Variants in PLXNA2 observed in about 807,000 individuals in gnomAD.
PLXNA2 encodes the protein plexin-A2.
A neutral mutation model predicts 193.5 loss-of-function variants in PLXNA2; 91 were observed. That is an observed-to-expected ratio of 0.47 (90% CI 0.40 to 0.56). PLXNA2 has a LOEUF of 0.56. PLXNA2 is among the 20% of genes least tolerant of loss of function. PLXNA2 has a pLI of 0.00. For synonymous variants in PLXNA2, 997 were observed against 1,027.3 expected, an observed-to-expected ratio of 0.97 and a Z score of 0.56; for missense variants, 1,995 against 2,503.2, an observed-to-expected ratio of 0.80 and a Z score of 4.33.
intron 12 of PLXNA2, among the ~76,000 whole-genome samples, chr1:208,071,600 G>A (rs1187040961): frequency 1.3e-5 from 2 of 152,216 alleles, no homozygotes; most frequent in Admixed American, 1.3e-4. Context: ...AGGAATCTAT[G>A]GCATTGGCGG....
chr1:208,030,558 C>T (rs1664470092), intron 29 of PLXNA2: 1 of 985,446 alleles, frequency 1.0e-6, no homozygotes, highest in Non-Finnish European at 1.2e-6. Flanking sequence ...ATCAAAGCTG[C>T]AGACTGAGGA....
rs781172471 is a variant in PLXNA2 at position 208,056,223 on chromosome 1, A to C, written c.2739-1685T>G. 4.1e-4 allele frequency among the ~76,000 whole-genome samples: 62 copies of C among 152,198 alleles called. 1 individual carries two copies. The highest frequency in any genetic ancestry group is 5.9e-4 in the Non-Finnish European group (40 of 68,034). ...ATGCCCACCATGCTCAAGGAGCTCC[A>C]GGGGAGAATCAACTAGCTATTGTGG... is the stretch of plus-strand genomic sequence containing the variant. On this transcript the variant is annotated intron_variant, in intron 13 of 31. Transcript: ENST00000367033.
chr1:208,029,693 A>T lies in PLXNA2; in HGVS notation c.5226-651T>A, dbSNP rs373286898. ...CTGGGAATGACTCACTGTAGCTCAG[A>T]GATTTTCCCACCCCAAGAGGAACCG... On this transcript the variant is annotated intron_variant, in intron 29 of 31. Transcript: ENST00000367033. 4.7e-5 allele frequency: 46 copies of T among 986,498 alleles called. No homozygotes were observed. The East Asian group carries it at 1.4e-3, about 29-fold the overall frequency. The allele number at this position is 986,498 out of a possible 1,614,324, so 61.1% of individuals were successfully genotyped here. A position where few individuals can be genotyped will look rare whatever the true frequency, so the allele number is the denominator to read the frequency against.
chr1:208,216,990 C>A lies in PLXNA2; in HGVS notation c.933G>T (p.Gln311His), dbSNP rs1023543301. Residue 311 changes from glutamine to histidine, a missense_variant, in exon 2 of 32, where the codon CAG becomes CAT. Coordinates refer to ENST00000367033, the MANE Select transcript of PLXNA2 (RefSeq NM_025179.4). ...CCCCAGGCTTGGCCAGGTAAGCAGC[C>A]TGCAGGAGGCGGTATTCCACCCCGG... is the stretch of plus-strand genomic sequence containing the variant. ...TRAGVEYRLLQAAYLAKPGDS... is the reference protein window; with the variant it reads ...TRAGVEYRLLHAAYLAKPGDS... 6.2e-7 allele frequency: 1 copy of A among 1,612,274 alleles called. No homozygotes were observed. Among genetic ancestry groups the A allele is most frequent in the African/African-American group, 1.3e-5 (1 of 74,900 alleles).
At chr1:208,160,782 C>T (rs543024915) in intron 3 of PLXNA2, among the ~76,000 whole-genome samples, 46 of 152,250 alleles carry the variant, frequency 3.0e-4, no homozygotes, top group Non-Finnish European at 1.2e-4. Flanking sequence ...TTTCCTATGT[C>T]ACATAATTCA....
At chr1:208,159,597 C>G (rs948550074) in intron 3 of PLXNA2, among the ~76,000 whole-genome samples, 1 of 152,254 alleles carries the variant, frequency 6.6e-6, no homozygotes, top group African/African-American at 2.4e-5. Context: ...CTCTGACAGC[C>G]AAGGGCTGGT....
chr1:208,199,814 C>T (rs1014603649), intron 3 of PLXNA2, among the ~76,000 whole-genome samples: 3 of 152,208 alleles, frequency 2.0e-5, no homozygotes, highest in Non-Finnish European at 4.4e-5. Context: ...TTCAGCAGAT[C>T]ACTCCACCTT....
intron 4 of PLXNA2, among the ~76,000 whole-genome samples, chr1:208,127,575 G>C (rs550741561): frequency 5.3e-5 from 8 of 152,206 alleles, no homozygotes; most frequent in Non-Finnish European, 1.0e-4. Context: ...ATGCATGGCT[G>C]GTCCCAGGGA....
chr1:208,030,583 C>T, intron 29 of PLXNA2: 1 of 985,446 alleles, frequency 1.0e-6, no homozygotes, highest in Non-Finnish European at 1.2e-6. Flanking sequence ...TCAGCGACCA[C>T]AAGACCCGGG....
intron 12 of PLXNA2, among the ~76,000 whole-genome samples, chr1:208,063,322 A>G (rs1181567536): frequency 2.0e-5 from 3 of 152,122 alleles, no homozygotes; most frequent in Admixed American, 1.3e-4. Context: ...AAATCACTGT[A>G]GTGTTTCCCT....
At chr1:208,077,326 G>T (rs375439291) in intron 12 of PLXNA2, among the ~76,000 whole-genome samples, 1 of 152,220 alleles carries the variant, frequency 6.6e-6, no homozygotes, top group East Asian at 1.9e-4. Context: ...ACCTCGGGGG[G>T]TTAATTAGCC....
chr1:208,226,648 A>T (rs998955491), intron 1 of PLXNA2, among the ~76,000 whole-genome samples: 9 of 152,158 alleles, frequency 5.9e-5, no homozygotes, highest in African/African-American at 1.7e-4. Context: ...CCTGCCCCAT[A>T]TGTCATGGGC....
At position 208,149,593 on chromosome 1, in the gene PLXNA2, G is replaced by A. The variant is rs371208901; in HGVS notation, c.1372-7130C>T. On this transcript the variant is annotated intron_variant, in intron 3 of 31. Coordinates refer to ENST00000367033, the MANE Select transcript of PLXNA2 (RefSeq NM_025179.4). ...AGTGTGGTGTGTGTATATTGTGTGT[G>A]TGTGTGTGTTCAGACCTTTAAGGAG... Among the ~76,000 whole-genome samples the A allele has an allele frequency of 3.0e-4, 45 of 152,140 alleles. No individual in the cohort carries two copies. The East Asian group carries it at 7.5e-3, about 25-fold the overall frequency.
At position 208,051,279 on chromosome 1, in the gene PLXNA2, G is replaced by A. The variant is rs765503632; in HGVS notation, c.3138C>T (p.Ile1046=). The A allele has an allele frequency of 5.2e-5, 83 of 1,611,132 alleles. No individual in the cohort carries two copies. Among genetic ancestry groups the A allele is most frequent in the Middle Eastern group, 1.7e-4 (1 of 5,910 alleles). ...EYIDDPRVQR[I]EPEWSIASGH... The stretch of plus-strand genomic sequence containing the variant: ...ACCTGGCAATGCTCCACTCTGGCTC[G>A]ATGCGCTGGACCCGAGGGTCATCTA... The change falls in exon 16 of 32, where the codon ATC becomes ATT. Residue 1046 remains isoleucine, a synonymous_variant. Transcript: ENST00000367033.
At chr1:208,063,479 G>A (rs1665681582) in intron 12 of PLXNA2, among the ~76,000 whole-genome samples, 1 of 152,206 alleles carries the variant, frequency 6.6e-6, no homozygotes, top group Non-Finnish European at 1.5e-5. Flanking sequence ...TTATTGGCAA[G>A]CATTATAATC....
At chr1:208,156,031 G>A (rs985583193) in intron 3 of PLXNA2, among the ~76,000 whole-genome samples, 1 of 152,212 alleles carries the variant, frequency 6.6e-6, no homozygotes. Context: ...TGGTGAGGGA[G>A]GATGGCCTAA....
intron 3 of PLXNA2, among the ~76,000 whole-genome samples, chr1:208,152,393 T>C (rs936289318): frequency 6.6e-6 from 1 of 152,192 alleles, no homozygotes; most frequent in Non-Finnish European, 1.5e-5. Flanking sequence ...GGCTGAGTCT[T>C]TATTGCCTCT....
chr1:208,154,223 ACT>A (rs746857104), intron 3 of PLXNA2, among the ~76,000 whole-genome samples: 2 of 136,254 alleles, frequency 1.5e-5, no homozygotes, highest in African/African-American at 5.0e-5. Flanking sequence ...CAGCGTGAAG[ACT>A]CTGCTGGTGC....
At chr1:208,161,765 A>G (rs980787839) in intron 3 of PLXNA2, among the ~76,000 whole-genome samples, 2 of 152,128 alleles carry the variant, frequency 1.3e-5, no homozygotes, top group African/African-American at 2.4e-5. Context: ...GGTTCTCATC[A>G]CATTCATCTC....
Sources: allele counts gnomAD v4.1 joint callset (sites outside exome capture counted in the v4.1 genomes callset), GRCh38; gene constraint gnomAD v4.1.1; transcripts MANE v1.5; gene names NCBI Gene and HGNC (gene_info 2026-07-23, HGNC 2026-07-21).